MLLT10: variants seen among roughly 807,000 people sequenced by gnomAD.
The protein encoded by MLLT10 is MLLT10 histone lysine methyltransferase DOT1L cofactor.
A neutral mutation model predicts 129.1 loss-of-function variants in MLLT10; 30 were observed. That is an observed-to-expected ratio of 0.23 (90% CI 0.17 to 0.32). The LOEUF (loss-of-function observed/expected upper bound fraction) is 0.32. MLLT10 is among the 10% of genes least tolerant of loss of function. The pLI, the probability that MLLT10 is intolerant of heterozygous loss-of-function variation, is 1.00. For missense variants in MLLT10, 1,119 were observed against 1,268.3 expected, an observed-to-expected ratio of 0.88 and a Z score of 1.79; for synonymous variants, 490 against 446.4, an observed-to-expected ratio of 1.10 and a Z score of -1.23.
intron 17 of MLLT10, 50 bp downstream of exon 17, chr10:21,731,104 C>T: frequency 6.6e-7 from 1 of 1,526,566 alleles, no homozygotes; most frequent in Non-Finnish European, 8.9e-7. Context: ...GGCAGATGGA[C>T]AAACAGGCAG....
At chr10:21,629,842 A>G (rs1240969022) in intron 8 of MLLT10, among the ~76,000 whole-genome samples, 2 of 152,196 alleles carry the variant, frequency 1.3e-5, no homozygotes, top group African/African-American at 4.8e-5. Context: ...TTGCGTGTAT[A>G]GTCCCAGCTG....
chr10:21,624,999 G>T, intron 8 of MLLT10: 1 of 1,085,448 alleles, frequency 9.2e-7, no homozygotes, highest in Non-Finnish European at 1.4e-6. Context: ...TCCTCTTACT[G>T]CATAGCCACC....
At chr10:21,626,171 A>G in intron 8 of MLLT10, 1 of 1,608,526 alleles carries the variant, frequency 6.2e-7, no homozygotes, top group Non-Finnish European at 8.5e-7. Context: ...TTTGTTCTGA[A>G]CATGTGATAA....
chr10:21,547,778 A>T (rs757699716), intron 3 of MLLT10, among the ~76,000 whole-genome samples: 10 of 152,078 alleles, frequency 6.6e-5, no homozygotes, highest in Non-Finnish European at 1.2e-4. Context: ...ACCTCAGGTA[A>T]TGTTCCTGCT....
intron 13 of MLLT10, among the ~76,000 whole-genome samples, chr10:21,686,856 TCTGTAATCC>T (rs1466637834): frequency 1.3e-5 from 2 of 151,964 alleles, no homozygotes; most frequent in African/African-American, 4.8e-5. Flanking sequence ...ATGGTGCGTG[TCTGTAATCC>T]CTGCTACTTG....
chr10:21,633,800 G>A (rs2047212769), intron 8 of MLLT10, among the ~76,000 whole-genome samples: 1 of 152,174 alleles, frequency 6.6e-6, no homozygotes, highest in Non-Finnish European at 1.5e-5. Context: ...TAGCCACAAT[G>A]TAATTAGCTT....
At chr10:21,697,462 A>G (rs2054490551) in intron 13 of MLLT10, among the ~76,000 whole-genome samples, 1 of 152,240 alleles carries the variant, frequency 6.6e-6, no homozygotes, top group African/African-American at 2.4e-5. Context: ...GCAAGACTCC[A>G]TCTGAAAACA....
chr10:21,573,680 C>G (rs897934685), intron 3 of MLLT10, among the ~76,000 whole-genome samples: 10 of 151,842 alleles, frequency 6.6e-5, no homozygotes, highest in African/African-American at 2.2e-4. Context: ...GATTCTCCTG[C>G]CTCAGACTCC....
chr10:21,549,862 C>G (rs937508127), intron 3 of MLLT10, among the ~76,000 whole-genome samples: 3 of 151,754 alleles, frequency 2.0e-5, no homozygotes, highest in African/African-American at 7.3e-5. Context: ...TGGTCTCAAA[C>G]TCCTGACCTC....
rs1024804984 is a variant in MLLT10, at chr10:21,725,970, C to T, written c.1879-274C>T. Among the ~76,000 whole-genome samples, 3 of 151,958 alleles carry T rather than the reference C, an allele frequency of 2.0e-5. 1 individual carries two copies. In the South Asian group the frequency reaches 6.2e-4, roughly 31 times the overall value. On this transcript the variant is annotated intron_variant, in intron 14 of 22. Coordinates refer to ENST00000307729, the MANE Select transcript of MLLT10 (RefSeq NM_001195626.3). ...GTTTCACCATGTTACCCAGGATGGTCTCGATCTCCTGATCTCGTGATCTGC... is the reference window on the plus strand; with the variant it reads ...GTTTCACCATGTTACCCAGGATGGTTTCGATCTCCTGATCTCGTGATCTGC...
At chr10:21,595,618 A>C in intron 5 of MLLT10, 178 bp downstream of exon 5, 1 of 490,322 alleles carries the variant, frequency 2.0e-6, no homozygotes, top group South Asian at 4.3e-5. Flanking sequence ...TCACAGGAGT[A>C]CAAAGCAAGC....
chr10:21,716,071 A>G (rs952786574), intron 14 of MLLT10, among the ~76,000 whole-genome samples: 9 of 152,238 alleles, frequency 5.9e-5, no homozygotes, highest in East Asian at 3.8e-4. Context: ...AACTACTTCA[A>G]TTTAGCTGCC....
chr10:21,667,038 T>G (rs1237988710), intron 9 of MLLT10, among the ~76,000 whole-genome samples: 2 of 152,210 alleles, frequency 1.3e-5, no homozygotes, highest in African/African-American at 4.8e-5. Flanking sequence ...TTTCTGCTTT[T>G]ATATCCAAAA....
intron 4 of MLLT10, among the ~76,000 whole-genome samples, chr10:21,593,724 C>G (rs193287838): frequency 6.6e-6 from 1 of 151,442 alleles, no homozygotes; most frequent in Non-Finnish European, 1.5e-5. Context: ...GTCAGGAGGT[C>G]GAGACCAGCC....
At chr10:21,574,688 C>A (rs778783719) in intron 3 of MLLT10, among the ~76,000 whole-genome samples, 1 of 152,098 alleles carries the variant, frequency 6.6e-6, no homozygotes, top group African/African-American at 2.4e-5. Context: ...GGTTCCTCCC[C>A]TTTTTAGACT....
chr10:21,706,628 A>G (rs888597388), intron 13 of MLLT10, among the ~76,000 whole-genome samples: 1 of 152,228 alleles, frequency 6.6e-6, no homozygotes, highest in Admixed American at 6.5e-5. Context: ...TGAATAAGCC[A>G]CTGGATGGGT....
intron 3 of MLLT10, chr10:21,564,456 C>CT (rs1012586755): frequency 0.019 from 2,788 of 144,934 alleles, 80 homozygotes; most frequent in African/African-American, 0.065. Context: ...TATTTGGTAT[C>CT]TTTTTTTTTT....
At chr10:21,627,199 C>T (rs2046540054) in intron 8 of MLLT10, among the ~76,000 whole-genome samples, 4 of 152,114 alleles carry the variant, frequency 2.6e-5, no homozygotes, top group Admixed American at 1.3e-4. Flanking sequence ...TTTGCTATCT[C>T]TCTCACTCTC....
At chr10:21,701,284 A>AT (rs57132583) in intron 13 of MLLT10, among the ~76,000 whole-genome samples, 30,764 of 123,894 alleles carry the variant, frequency 0.25, 3,674 homozygotes, top group East Asian at 0.33. Flanking sequence ...CATTTCATTG[A>AT]TTTTTTTTTT....
Sources: allele counts gnomAD v4.1 joint callset (sites outside exome capture counted in the v4.1 genomes callset), GRCh38; gene constraint gnomAD v4.1.1; transcripts MANE v1.5; gene names NCBI Gene and HGNC (gene_info 2026-07-23, HGNC 2026-07-21).